The following ROR2 variants were observed in gnomAD, a reference collection of about 807,000 sequenced individuals.
The protein encoded by ROR2 is tyrosine-protein kinase transmembrane receptor ROR2.
In ROR2, 33 loss-of-function variants were observed where a neutral mutation model predicts 74.9. That is an observed-to-expected ratio of 0.44 (90% confidence interval 0.33 to 0.59). The LOEUF is 0.59. ROR2 is among the 20% of genes least tolerant of loss of function. The probability of loss-of-function intolerance (pLI) is 0.02; values close to 1 mark genes in which losing one functional copy is unlikely to be tolerated. For synonymous variants in ROR2, 586 were observed against 558.7 expected (o/e 1.05, Z -0.69); for missense variants, 1,216 against 1,313.8 (o/e 0.93, Z 1.15).
intron 1 of ROR2, among the ~76,000 whole-genome samples, chr9:91,934,531 T>C (rs1459813955): frequency 6.6e-6 from 1 of 151,914 alleles, no homozygotes; most frequent in Non-Finnish European, 1.5e-5. Flanking sequence ...ACAGCAATTA[T>C]GAAAAGCATT....
chr9:91,736,009 T>C (rs1564240248), intron 5 of ROR2, among the ~76,000 whole-genome samples: 1 of 152,242 alleles, frequency 6.6e-6, no homozygotes, highest in Non-Finnish European at 1.5e-5. Flanking sequence ...CTATGTCAGT[T>C]GTGTGAAATA....
Position 91,820,223 on chromosome 9 carries a change from C to T in ROR2, c.98-44405G>A, listed in dbSNP as rs117331532. On this transcript the variant is annotated intron_variant, in intron 1 of 8. Coordinates refer to ENST00000375708, the MANE Select transcript of ROR2 (RefSeq NM_004560.4). ...CCACCTCAAATTTTAATTTAATAAA[C>T]AAAACAATGTCTGGGAAGATGGACG... Among the ~76,000 whole-genome samples, 948 of 152,218 alleles carry T rather than the reference C, an allele frequency of 6.2e-3. 5 individuals carry two copies. Among genetic ancestry groups the T allele is most frequent in the Non-Finnish European group, 9.6e-3 (653 of 68,014 alleles).
At chr9:91,852,557 C>T (rs543053385) in intron 1 of ROR2, among the ~76,000 whole-genome samples, 48 of 151,682 alleles carry the variant, frequency 3.2e-4, no homozygotes, top group Non-Finnish European at 5.3e-4. Flanking sequence ...TCTCTTCACA[C>T]CAGGGAACTT....
chr9:91,915,753 T>C (rs77020903), intron 1 of ROR2, among the ~76,000 whole-genome samples: 3,268 of 152,256 alleles, frequency 0.021, 123 homozygotes, highest in African/African-American at 0.075. Context: ...AGAGTGCTGA[T>C]TGGTATGTTT....
At position 91,724,087 on chromosome 9, in the gene ROR2, G is replaced by C; in HGVS notation, c.2407C>G (p.Pro803Ala). Residue 803 changes from proline to alanine, a missense_variant, in exon 9 of 9, where the codon CCC becomes GCC. Pro to Ala is a conservative substitution (Grantham distance 27). Transcript: ENST00000375708. ...APPFPQPQFIPMKGQIRPMVP... is the reference protein window; with the variant it reads ...APPFPQPQFIAMKGQIRPMVP... The stretch of plus-strand genomic sequence containing the variant: ...ATGGGTCTGATCTGGCCCTTCATGG[G>C]GATGAACTGGGGCTGTGGGAAGGGC... The C allele has an allele frequency of 2.5e-6, 4 of 1,611,288 alleles. No homozygotes were observed. The highest frequency in any genetic ancestry group is 3.4e-6 in the Non-Finnish European group (4 of 1,179,914).
chr9:91,799,221 T>C (rs1018705175), intron 1 of ROR2, among the ~76,000 whole-genome samples: 2 of 151,858 alleles, frequency 1.3e-5, no homozygotes, highest in Admixed American at 6.6e-5. Flanking sequence ...TCAATGACAC[T>C]GCCCCAGGGG....
chr9:91,819,177 C>T (rs1828047972), intron 1 of ROR2, among the ~76,000 whole-genome samples: 1 of 152,184 alleles, frequency 6.6e-6, no homozygotes, highest in Non-Finnish European at 1.5e-5. Flanking sequence ...CCACAGGGAG[C>T]TGGCGGGCAA....
intron 1 of ROR2, among the ~76,000 whole-genome samples, chr9:91,794,330 A>G (rs1827100502): frequency 6.6e-6 from 1 of 152,192 alleles, no homozygotes. Context: ...CACTGAATTA[A>G]TTGTCACACT....
intron 1 of ROR2, among the ~76,000 whole-genome samples, chr9:91,889,336 C>A (rs1315649119): frequency 6.6e-6 from 1 of 152,174 alleles, no homozygotes; most frequent in Non-Finnish European, 1.5e-5. Context: ...GCAGATCACA[C>A]CCTCAGGTGG....
chr9:91,803,464 C>T (rs1435847383), intron 1 of ROR2, among the ~76,000 whole-genome samples: 1 of 152,222 alleles, frequency 6.6e-6, no homozygotes, highest in African/African-American at 2.4e-5. Context: ...GGAGACTGGT[C>T]ACACAACAAC....
chr9:91,746,222 A>G (rs1056955184), intron 4 of ROR2, among the ~76,000 whole-genome samples: 1 of 151,972 alleles, frequency 6.6e-6, no homozygotes, highest in Non-Finnish European at 1.5e-5. Context: ...GATTACAGGC[A>G]CGCACCACCA....
chr9:91,901,591 G>A (rs528523211), intron 1 of ROR2, among the ~76,000 whole-genome samples: 5 of 152,108 alleles, frequency 3.3e-5, no homozygotes, highest in South Asian at 4.1e-4. Context: ...TAAGGCAGGC[G>A]GATCATCTGA....
chr9:91,867,035 C>G lies in ROR2; in HGVS notation c.97+82832G>C, dbSNP rs145030477. On this transcript the variant is annotated intron_variant, in intron 1 of 8. Transcript: ENST00000375708. ...GAGGGTTCTGGTTCTGGACAAGATA[C>G]ATACAGTCGGCATATTCTGCCCACA... 1.3e-3 allele frequency among the ~76,000 whole-genome samples: 194 copies of G among 152,312 alleles called. 2 individuals carry two copies. Among genetic ancestry groups the G allele is most frequent in the Non-Finnish European group, 1.9e-3 (131 of 68,018 alleles).
Position 91,855,903 on chromosome 9 carries a change from G to A in ROR2, c.98-80085C>T, listed in dbSNP as rs558486013. On this transcript the variant is annotated intron_variant, in intron 1 of 8. Coordinates refer to ENST00000375708, the MANE Select transcript of ROR2 (RefSeq NM_004560.4). ...GTGAGGCACCGGGGCCGCACCACCA[G>A]AATGATCCTGGGGCTCTGGGTTCCA... 7.2e-5 allele frequency among the ~76,000 whole-genome samples: 11 copies of A among 152,210 alleles called. 1 individual carries two copies. The South Asian group carries it at 2.3e-3, about 32-fold the overall frequency.
intron 1 of ROR2, among the ~76,000 whole-genome samples, chr9:91,865,921 T>A (rs982767609): frequency 2.0e-4 from 30 of 152,224 alleles, no homozygotes; most frequent in African/African-American, 7.0e-4. Flanking sequence ...TAACATGGGA[T>A]GTTATCCAAA....
intron 1 of ROR2, among the ~76,000 whole-genome samples, chr9:91,851,810 A>G (rs1005271420): frequency 1.3e-5 from 2 of 152,014 alleles, no homozygotes; most frequent in African/African-American, 4.8e-5. Context: ...CCCTGTCTCT[A>G]CTAAAAGTAC....
chr9:91,888,681 G>A (rs75486434), intron 1 of ROR2, among the ~76,000 whole-genome samples: 1 of 152,280 alleles, frequency 6.6e-6, no homozygotes, highest in African/African-American at 2.4e-5. Flanking sequence ...GCTCAGAAAT[G>A]GCAGAATAAA....
chr9:91,875,160 A>G (rs2119345478), intron 1 of ROR2, among the ~76,000 whole-genome samples: 1 of 152,364 alleles, frequency 6.6e-6, no homozygotes, highest in African/African-American at 2.4e-5. Flanking sequence ...GAGAGTGAGC[A>G]GACTTCTACT....
intron 1 of ROR2, among the ~76,000 whole-genome samples, chr9:91,861,877 G>A (rs140601375): frequency 3.3e-4 from 50 of 152,244 alleles, no homozygotes; most frequent in African/African-American, 1.2e-3. Context: ...TATAAAGAAC[G>A]CTGTTATGGA....
Sources: gnomAD v4.1 joint callset for allele counts (sites outside exome capture counted in the v4.1 genomes callset) on GRCh38, gnomAD v4.1.1 for gene constraint, MANE v1.5 for transcripts, NCBI Gene and HGNC (gene_info 2026-07-23, HGNC 2026-07-21) for gene names.